TMEM131: variants seen among roughly 807,000 people sequenced by gnomAD.
TMEM131 encodes the protein transmembrane protein 131, also known as 2610524E03Rik.
In TMEM131, 66 loss-of-function variants were observed where a neutral mutation model predicts 211.6. That is an observed-to-expected ratio of 0.31 (90% CI 0.26 to 0.38). The LOEUF (loss-of-function observed/expected upper bound fraction) is 0.38, where lower values mean the gene tolerates loss of function less well. Among genes scored for constraint, TMEM131 ranks in the 10% least tolerant of loss-of-function variants. The pLI, the probability that TMEM131 is intolerant of heterozygous loss-of-function variation, is 1.00. For missense variants in TMEM131, 2,036 were observed against 2,299.3 expected (o/e 0.89, Z 2.34); for synonymous variants, 844 against 841.3 (o/e 1.00, Z -0.06).
chr2:97,977,240 T>C (rs1302063891), intron 1 of TMEM131, among the ~76,000 whole-genome samples: 1 of 152,204 alleles, frequency 6.6e-6, no homozygotes, highest in Non-Finnish European at 1.5e-5. Flanking sequence ...ACCTCAGACT[T>C]GGAAGGAATC....
chr2:97,895,303 T>C (rs1303104041), intron 3 of TMEM131, among the ~76,000 whole-genome samples: 2 of 152,212 alleles, frequency 1.3e-5, no homozygotes. Context: ...CGCATCGATG[T>C]TCATTAGGGA....
chr2:97,901,345 C>T (rs772667251), intron 3 of TMEM131, among the ~76,000 whole-genome samples: 6 of 151,946 alleles, frequency 3.9e-5, no homozygotes, highest in African/African-American at 1.2e-4. Context: ...TTTATAGTTT[C>T]GGGTCTTAGA....
At chr2:97,857,177 G>A (rs1673883564) in intron 5 of TMEM131, among the ~76,000 whole-genome samples, 1 of 152,190 alleles carries the variant, frequency 6.6e-6, no homozygotes. Flanking sequence ...AATGTGTAAA[G>A]ACTGGCAGAT....
intron 1 of TMEM131, among the ~76,000 whole-genome samples, chr2:97,988,850 G>A (rs1470979997): frequency 6.6e-6 from 1 of 152,158 alleles, no homozygotes; most frequent in Non-Finnish European, 1.5e-5. Context: ...GAAATGTGGT[G>A]GTTGCTTAAG....
chr2:97,904,043 A>G (rs1675967883), intron 3 of TMEM131, among the ~76,000 whole-genome samples: 1 of 152,154 alleles, frequency 6.6e-6, no homozygotes, highest in South Asian at 2.1e-4. Flanking sequence ...AAGACAAATC[A>G]ATAGTTCTAC....
chr2:97,838,009 G>A (rs57804205), intron 7 of TMEM131, among the ~76,000 whole-genome samples: 50,314 of 151,732 alleles, frequency 0.33, 9,132 homozygotes, highest in Non-Finnish European at 0.39. Context: ...GGCTTCTTTT[G>A]CTCAATGCAA....
intron 1 of TMEM131, among the ~76,000 whole-genome samples, chr2:97,930,743 T>C (rs981857839): frequency 2.0e-5 from 3 of 151,880 alleles, no homozygotes; most frequent in African/African-American, 7.3e-5. Flanking sequence ...AGTCAAGTTA[T>C]CACATCTCCA....
At chr2:97,910,935 A>C (rs908241899) in intron 2 of TMEM131, among the ~76,000 whole-genome samples, 14 of 152,156 alleles carry the variant, frequency 9.2e-5, no homozygotes, top group Non-Finnish European at 1.8e-4. Context: ...TATATGCCCA[A>C]GAGAAACAAA....
Position 97,792,646 on chromosome 2 carries a change from T to C in TMEM131, c.3884A>G (p.His1295Arg). 6.2e-7 allele frequency: 1 copy of C among 1,613,882 alleles called. No individual in the cohort carries two copies. The highest frequency in any genetic ancestry group is 8.5e-7 in the Non-Finnish European group (1 of 1,179,838). ...CTGAGGGTGCTGCTCCAGCGGGCTG[T>C]GGGCATGGTGCTGGCTGCCGTGCTG... ...QSQHGSQHHA[H>R]SPLEQHPQPP... The change falls in exon 31 of 41, where the codon CAC (histidine) becomes CGC (arginine). Residue 1295 changes from histidine to arginine, a missense_variant. By Grantham distance (29) the His-to-Arg change is conservative (BLOSUM62 0). Coordinates refer to ENST00000186436, the MANE Select transcript of TMEM131 (RefSeq NM_015348.2).
intron 2 of TMEM131, among the ~76,000 whole-genome samples, chr2:97,916,002 C>T (rs1209781248): frequency 1.3e-5 from 2 of 152,188 alleles, no homozygotes; most frequent in Admixed American, 1.3e-4. Context: ...CAACCTCTGC[C>T]TCACGAGATC....
At chr2:97,969,625 A>G (rs1478144618) in intron 1 of TMEM131, among the ~76,000 whole-genome samples, 2 of 152,116 alleles carry the variant, frequency 1.3e-5, no homozygotes, top group Admixed American at 6.5e-5. Flanking sequence ...TTATTCTGCT[A>G]TGAGTCAAAA....
chr2:97,869,031 A>T (rs1674386667), intron 4 of TMEM131, among the ~76,000 whole-genome samples: 1 of 152,250 alleles, frequency 6.6e-6, no homozygotes, highest in Non-Finnish European at 1.5e-5. Context: ...ACATTTACGT[A>T]GAAAACAACA....
intron 1 of TMEM131, among the ~76,000 whole-genome samples, chr2:97,971,630 C>T (rs1377205172): frequency 3.9e-5 from 6 of 152,108 alleles, no homozygotes; most frequent in African/African-American, 1.2e-4. Context: ...TATATATAAC[C>T]AACACATTTT....
In TMEM131 at chr2:97,812,452, A is replaced by G; in HGVS notation, c.1832T>C (p.Phe611Ser). 6.2e-7 allele frequency: 1 copy of G among 1,610,090 alleles called. No homozygotes were observed. ...TTGATCTGATAAAGAGGATTTTTCA[A>G]ACTCTGGCAGGCTTGAAATTATTGT... ...RTTIISSLPEFEKSSLSDQSS... is the reference protein window; with the variant it reads ...RTTIISSLPESEKSSLSDQSS... Residue 611 changes from phenylalanine to serine, a missense_variant, in exon 17 of 41, where the codon TTT becomes TCT. Transcript: ENST00000186436.
At chr2:97,900,170 G>C (rs889484103) in intron 3 of TMEM131, among the ~76,000 whole-genome samples, 3 of 152,134 alleles carry the variant, frequency 2.0e-5, no homozygotes, top group Admixed American at 2.0e-4. Flanking sequence ...AAAGCTGCAA[G>C]AGTATTGTAC....
chr2:97,961,214 T>C (rs1190519173), intron 1 of TMEM131, among the ~76,000 whole-genome samples: 2 of 151,930 alleles, frequency 1.3e-5, no homozygotes, highest in African/African-American at 4.8e-5. Context: ...TACATTTCTA[T>C]ATACAAGCAC....
intron 2 of TMEM131, among the ~76,000 whole-genome samples, chr2:97,924,202 T>C (rs188295380): frequency 1.8e-4 from 28 of 152,024 alleles, no homozygotes; most frequent in African/African-American, 4.3e-4. Flanking sequence ...CTGGGCAACA[T>C]AGACCTCTGT....
chr2:97,918,552 C>A (rs376865189), intron 2 of TMEM131, among the ~76,000 whole-genome samples: 1 of 151,942 alleles, frequency 6.6e-6, no homozygotes, highest in African/African-American at 2.4e-5. Flanking sequence ...AATAACCAAA[C>A]TGAGAATGTA....
At chr2:97,831,459 A>T (rs984433783) in intron 11 of TMEM131, among the ~76,000 whole-genome samples, 14 of 152,136 alleles carry the variant, frequency 9.2e-5, no homozygotes, top group Non-Finnish European at 2.1e-4. Context: ...GAATAAGAGA[A>T]AACTACCAAA....
Sources: allele counts gnomAD v4.1 joint callset (sites outside exome capture counted in the v4.1 genomes callset), GRCh38; gene constraint gnomAD v4.1.1; transcripts MANE v1.5; gene names NCBI Gene and HGNC (gene_info 2026-07-23, HGNC 2026-07-21).